The following PRKCH variants were observed in gnomAD, a reference collection of about 807,000 sequenced individuals.
The protein encoded by PRKCH is protein kinase C eta type.
PRKCH carries 28 observed loss-of-function variants against 82.5 expected under a neutral mutation model. The observed-to-expected ratio is 0.34, with a 90% CI of 0.25 to 0.47. The LOEUF (loss-of-function observed/expected upper bound fraction) is 0.47, where lower values mean the gene tolerates loss of function less well. Ranked by LOEUF, PRKCH falls within the 20% of genes least tolerant of loss-of-function variation. PRKCH has a pLI of 1.00. For synonymous variants in PRKCH, 322 were observed against 327.4 expected, an observed-to-expected ratio of 0.98 and a Z score of 0.18; for missense variants, 705 against 881.8, an observed-to-expected ratio of 0.80 and a Z score of 2.54.
chr14:61,435,944 G>C (rs1883659192), intron 2 of PRKCH, among the ~76,000 whole-genome samples: 1 of 152,148 alleles, frequency 6.6e-6, no homozygotes. Flanking sequence ...TGGAGCCAAG[G>C]CCTCTTTCTT....
At chr14:61,228,585 G>A (rs915053642) in intron 1 of PRKCH, among the ~76,000 whole-genome samples, 6 of 147,064 alleles carry the variant, frequency 4.1e-5, no homozygotes. Flanking sequence ...CAGTCTGATA[G>A]CAGCTCACAG....
chr14:61,451,057 C>A, intron 6 of PRKCH, 86 bp downstream of exon 6: 1 of 1,439,268 alleles, frequency 6.9e-7, no homozygotes, highest in African/African-American at 1.4e-5. Flanking sequence ...CAGAATCTGT[C>A]CTAGAACTGA....
rs759807732 is a variant in PRKCH at position 61,457,526 on chromosome 14, A to C, written c.1125A>C (p.Lys375Asn). The C allele has an allele frequency of 6.2e-7, 1 of 1,613,972 alleles. No homozygotes were observed. ...CATAGGTGATGCTTGCAAGAGTAAA[A>C]GAAACAGGAGACCTCTATGCTGTGA... ...SFGKVMLARV[K>N]ETGDLYAVKV... The change falls in exon 9 of 14, where the codon AAA becomes AAC. Residue 375 changes from lysine to asparagine, a missense_variant. Lys to Asn is a moderately conservative substitution (Grantham distance 94). This residue lies in a region of PRKCH where 238 missense variants were observed against 258.1 expected (regional missense o/e 0.92). Coordinates refer to ENST00000332981, the MANE Select transcript of PRKCH (RefSeq NM_006255.5).
At chr14:61,254,005 C>CCCTCCCTT (rs1320526313) in intron 1 of PRKCH, among the ~76,000 whole-genome samples, 1 of 126,562 alleles carries the variant, frequency 7.9e-6, no homozygotes, top group Non-Finnish European at 1.7e-5. Context: ...CTCCCTCCCT[C>CCCTCCCTT]CCTCCCTTCC....
chr14:61,273,491 A>T (rs2045175783), intron 1 of PRKCH, among the ~76,000 whole-genome samples: 2 of 152,254 alleles, frequency 1.3e-5, no homozygotes, highest in Admixed American at 1.3e-4. Flanking sequence ...TCTCTTTCAT[A>T]AAGAAGCACC....
At chr14:61,422,375 CCA>C (rs1882882178) in intron 2 of PRKCH, among the ~76,000 whole-genome samples, 1 of 152,220 alleles carries the variant, frequency 6.6e-6, no homozygotes, top group South Asian at 2.1e-4. Flanking sequence ...TAGGCGTGAG[CCA>C]CAGTGCCTGG....
At chr14:61,435,655 G>C (rs568301874) in intron 2 of PRKCH, among the ~76,000 whole-genome samples, 1 of 152,068 alleles carries the variant, frequency 6.6e-6, no homozygotes, top group Non-Finnish European at 1.5e-5. Flanking sequence ...GTCAGCCTGG[G>C]CAATGTAATG....
chr14:61,430,751 G>A (rs1883346585), intron 2 of PRKCH, among the ~76,000 whole-genome samples: 1 of 128,526 alleles, frequency 7.8e-6, no homozygotes, highest in Non-Finnish European at 1.7e-5. Flanking sequence ...CTCTTAATCA[G>A]CAGCTTCCTT....
At chr14:61,440,103 G>A (rs1389343936) in intron 2 of PRKCH, among the ~76,000 whole-genome samples, 2 of 152,144 alleles carry the variant, frequency 1.3e-5, no homozygotes, top group East Asian at 1.9e-4. Flanking sequence ...TATTGAGCTG[G>A]GTCTCAGGCT....
intron 1 of PRKCH, among the ~76,000 whole-genome samples, chr14:61,357,377 C>T (rs1382222797): frequency 6.6e-6 from 1 of 152,198 alleles, no homozygotes; most frequent in African/African-American, 2.4e-5. Context: ...TGTCCTGATG[C>T]CTGCAAACTT....
At chr14:61,343,558 AT>A (rs1012021105) in intron 1 of PRKCH, among the ~76,000 whole-genome samples, 11 of 151,428 alleles carry the variant, frequency 7.3e-5, no homozygotes, top group African/African-American at 1.2e-4. Context: ...ACGATGATAG[AT>A]TTTTTTTTAT....
chr14:61,279,845 G>A (rs1037440603), intron 1 of PRKCH: 1 of 514,934 alleles, frequency 1.9e-6, no homozygotes, highest in African/African-American at 1.9e-5. Flanking sequence ...TGGCAACTCA[G>A]TGTCGTGAAG....
intron 1 of PRKCH, among the ~76,000 whole-genome samples, chr14:61,226,505 C>T (rs2044697277): frequency 6.6e-6 from 1 of 152,146 alleles, no homozygotes. Flanking sequence ...TGTGATATTT[C>T]AATTGGCTTA....
intron 9 of PRKCH, among the ~76,000 whole-genome samples, chr14:61,467,738 G>A (rs545727642): frequency 3.3e-5 from 5 of 152,320 alleles, no homozygotes; most frequent in African/African-American, 7.2e-5. Flanking sequence ...GGGGATGAGC[G>A]AAGAAGGAAA....
chr14:61,189,896 T>C (rs1226728671), intron 1 of PRKCH, among the ~76,000 whole-genome samples: 1 of 152,212 alleles, frequency 6.6e-6, no homozygotes, highest in Non-Finnish European at 1.5e-5. Context: ...GTAATGGTAC[T>C]ACCAGTTTTC....
chr14:61,485,167 C>T (rs7154117), intron 9 of PRKCH, among the ~76,000 whole-genome samples: 2 of 152,100 alleles, frequency 1.3e-5, no homozygotes, highest in Non-Finnish European at 2.9e-5. Context: ...AGGCATTTAC[C>T]TTTCGATTTA....
In PRKCH at chr14:61,498,107, G is replaced by A. The variant is rs143380211; in HGVS notation, c.1433+12451G>A. On this transcript the variant is annotated intron_variant, in intron 10 of 13. Transcript: ENST00000332981. ...TCAGCTCACTGCAGCCTCTCCTCCCGGGCTCAAGCGATTCTCCTGCCTCAG... is the reference window on the plus strand; with the variant it reads ...TCAGCTCACTGCAGCCTCTCCTCCCAGGCTCAAGCGATTCTCCTGCCTCAG... Among the ~76,000 whole-genome samples, 642 of 152,114 alleles carry A rather than the reference G, an allele frequency of 4.2e-3. 7 individuals carry two copies. The highest frequency in any genetic ancestry group is 0.013 in the African/African-American group (521 of 41,458).
chr14:61,370,299 G>T (rs1049806545), intron 1 of PRKCH, among the ~76,000 whole-genome samples: 2 of 152,066 alleles, frequency 1.3e-5, no homozygotes, highest in African/African-American at 4.8e-5. Flanking sequence ...ACTTTCTTTG[G>T]TTGTTGGAGA....
At chr14:61,283,667 C>T (rs940253763) in intron 1 of PRKCH, among the ~76,000 whole-genome samples, 3 of 151,972 alleles carry the variant, frequency 2.0e-5, no homozygotes, top group Non-Finnish European at 2.9e-5. Flanking sequence ...GGCAATATAA[C>T]GAGATCTTGT....
Sources: gnomAD v4.1 joint callset for allele counts (sites outside exome capture counted in the v4.1 genomes callset) on GRCh38, gnomAD v4.1.1 for gene constraint, gnomAD v4.1.1 regional missense constraint, MANE v1.5 for transcripts, NCBI Gene and HGNC (gene_info 2026-07-23, HGNC 2026-07-21) for gene names.